CMIP: variants seen among roughly 807,000 people sequenced by gnomAD.
CMIP encodes c-Maf inducing protein, also known as C-Maf-inducing protein.
In CMIP, 13 loss-of-function variants were observed where a neutral mutation model predicts 97.3. The observed-to-expected ratio is 0.13, with a 90% CI of 0.09 to 0.21. The LOEUF (loss-of-function observed/expected upper bound fraction) is 0.21, where lower values mean the gene tolerates loss of function less well. Among genes scored for constraint, CMIP ranks in the 10% least tolerant of loss-of-function variants. The probability of loss-of-function intolerance (pLI) is 1.00; values close to 1 mark genes in which losing one functional copy is unlikely to be tolerated. For missense variants in CMIP, 847 were observed against 1,024.9 expected (o/e 0.83, Z 2.37); for synonymous variants, 538 against 436.3 (o/e 1.23, Z -2.91).
At chr16:81,454,390 A>G (rs541370113) in intron 1 of CMIP, among the ~76,000 whole-genome samples, 56 of 152,340 alleles carry the variant, frequency 3.7e-4, no homozygotes, top group African/African-American at 9.4e-4. Context: ...ATCAATGTAT[A>G]TGCACCTGGT....
chr16:81,445,460 C>G lies in CMIP; in HGVS notation c.219C>G (p.Ser73Arg). 6.4e-7 allele frequency: 1 copy of G among 1,572,276 alleles called. No individual in the cohort carries two copies. The highest frequency in any genetic ancestry group is 8.6e-7 in the Non-Finnish European group (1 of 1,158,990). Residue 73 changes from serine (S) to arginine (R), a missense_variant, in exon 1 of 21, where the codon AGC becomes AGG. Ser to Arg is a moderately radical substitution (Grantham distance 110, BLOSUM62 -1). This residue lies in a region of CMIP where 285 missense variants were observed against 392.2 expected (regional missense o/e 0.73). Coordinates refer to ENST00000537098, the MANE Select transcript of CMIP (RefSeq NM_198390.3). The stretch of plus-strand genomic sequence containing the variant: ...TCCGGCACCCGCGGACCTTTCTCAG[C>G]AAGATCCTCACCTCGAAATTCCTGA... Reference protein sequence around the residue: ...CVIRHPRTFLSKILTSKFLRR... With the variant: ...CVIRHPRTFLRKILTSKFLRR...
intron 1 of CMIP, among the ~76,000 whole-genome samples, chr16:81,468,437 C>A (rs1487184212): frequency 6.6e-6 from 1 of 152,258 alleles, no homozygotes; most frequent in African/African-American, 2.4e-5. Flanking sequence ...AAGGATGGAA[C>A]CTTCCGCACC....
intron 13 of CMIP, 167 bp from the exon 14 acceptor site, chr16:81,696,393 T>C (rs1906721928): frequency 4.4e-6 from 3 of 685,996 alleles, no homozygotes; most frequent in African/African-American, 1.8e-5. Flanking sequence ...GAAAGACCTT[T>C]CATGGCATTT....
In CMIP at chr16:81,696,445, G is replaced by T. The variant is rs867646054; in HGVS notation, c.1531-115G>T. On this transcript the variant is annotated intron_variant, in intron 13 of 20. Transcript: ENST00000537098. The stretch of plus-strand genomic sequence containing the variant: ...TTGCTGGAGGAAACAAAGTTAAGCG[G>T]GTTTCTTGACTGCAGGACTTGCCTG... 18 of 1,010,960 alleles carry T rather than the reference G, an allele frequency of 1.8e-5. No homozygotes were observed. In the Middle Eastern group the frequency reaches 2.9e-3, roughly 162 times the overall value. The allele number at this position is 1,010,960 out of a possible 1,614,324, so 62.6% of individuals were successfully genotyped here.
chr16:81,487,817 C>T (rs55745414), intron 1 of CMIP, among the ~76,000 whole-genome samples: 5,758 of 152,314 alleles, frequency 0.038, 147 homozygotes, highest in Non-Finnish European at 0.057. Flanking sequence ...TGCCAGAGAG[C>T]AGCTTCAGGG....
intron 3 of CMIP, chr16:81,651,468 G>A (rs1021406947): frequency 2.3e-5 from 18 of 785,650 alleles, no homozygotes; most frequent in Non-Finnish European, 2.8e-5. Context: ...GGATGCGGAG[G>A]GCAGCGCTGG....
intron 10 of CMIP, among the ~76,000 whole-genome samples, chr16:81,680,244 G>C (rs1904735124): frequency 6.6e-6 from 1 of 152,246 alleles, no homozygotes; most frequent in Non-Finnish European, 1.5e-5. Context: ...GCGCTGGGCA[G>C]CGTTTGGTCA....
chr16:81,619,110 TGAACCTGCACCTGTAAGAGGCTCA>T (rs2091960041), intron 2 of CMIP: 1 of 152,186 alleles, frequency 6.6e-6, no homozygotes, highest in South Asian at 2.1e-4. Context: ...AGCCGAGACT[TGAACCTGCACCTGTAAGAGGCTCA>T]GCCCTTGTCG....
intron 4 of CMIP, among the ~76,000 whole-genome samples, chr16:81,654,922 G>C (rs2092466678): frequency 6.6e-6 from 1 of 152,206 alleles, no homozygotes; most frequent in African/African-American, 2.4e-5. Context: ...GAAGGACCTT[G>C]TCCTGCCCTC....
rs9932863 is a variant in CMIP at position 81,481,145 on chromosome 16, T to C, written c.300+35604T>C. On this transcript the variant is annotated intron_variant, in intron 1 of 20. Coordinates refer to ENST00000537098, the MANE Select transcript of CMIP (RefSeq NM_198390.3). ...TGATGGCTGTGGGACTCATGATTTA[T>C]TCAACAAATATTGTTGAGACCTGAT... Among the ~76,000 whole-genome samples the C allele has an allele frequency of 0.02, 3,004 of 152,352 alleles. 212 individuals are homozygous for C. In the East Asian group the frequency reaches 0.28, roughly 14 times the overall value.
At chr16:81,612,941 A>G (rs2091855759) in intron 2 of CMIP, among the ~76,000 whole-genome samples, 1 of 152,132 alleles carries the variant, frequency 6.6e-6, no homozygotes, top group Admixed American at 6.5e-5. Context: ...TGGCTCAGCC[A>G]CCAGCAGGAC....
intron 1 of CMIP, among the ~76,000 whole-genome samples, chr16:81,587,671 T>C (rs1316408254): frequency 1.3e-5 from 2 of 152,300 alleles, no homozygotes; most frequent in South Asian, 2.1e-4. Context: ...CCGTCTCTGC[T>C]CCATCTTCCA....
chr16:81,685,434 G>A (rs930235725), intron 10 of CMIP, among the ~76,000 whole-genome samples: 8 of 152,182 alleles, frequency 5.3e-5, no homozygotes, highest in Admixed American at 1.3e-4. Flanking sequence ...ATAGTCCCCC[G>A]TGGGGACCCT....
chr16:81,476,633 C>T (rs1907940647), intron 1 of CMIP: 1 of 402,044 alleles, frequency 2.5e-6, no homozygotes. Context: ...GTGCAACTTG[C>T]CTTTTTAGTT....
chr16:81,475,198 G>A (rs1400794676), intron 1 of CMIP, among the ~76,000 whole-genome samples: 1 of 151,822 alleles, frequency 6.6e-6, no homozygotes, highest in East Asian at 1.9e-4. Flanking sequence ...TTCTCTCTAG[G>A]TGCATAAAAA....
At chr16:81,508,796 G>A (rs1179314380) in intron 1 of CMIP, among the ~76,000 whole-genome samples, 1 of 152,240 alleles carries the variant, frequency 6.6e-6, no homozygotes, top group Non-Finnish European at 1.5e-5. Context: ...ATGCCTGAGG[G>A]ACCCACGTAG....
At position 81,664,358 on chromosome 16, in the gene CMIP, C is replaced by G; in HGVS notation, c.825+9C>G. On this transcript the variant is annotated intron_variant, in intron 7 of 20. Transcript: ENST00000537098. ...TCCTCAAGCATAACATGGTGAGTCA[C>G]CCTGCCCCAACACCCAGACCCCAGC... The G allele has an allele frequency of 6.3e-7, 1 of 1,583,472 alleles. No individual in the cohort carries two copies.
intron 18 of CMIP, among the ~76,000 whole-genome samples, chr16:81,705,058 G>C (rs1597279073): frequency 6.6e-6 from 1 of 152,056 alleles, no homozygotes; most frequent in Non-Finnish European, 1.5e-5. Context: ...GCAGATGAAG[G>C]GGCCTTCACT....
At chr16:81,702,497 C>A in intron 16 of CMIP, 125 bp from the exon 17 acceptor site, 1 of 969,154 alleles carries the variant, frequency 1.0e-6, no homozygotes, top group Non-Finnish European at 1.6e-6. Flanking sequence ...AGACCAAGAC[C>A]ACCGTGTTGC....
Sources: gnomAD v4.1 joint callset for allele counts (sites outside exome capture counted in the v4.1 genomes callset) on GRCh38, gnomAD v4.1.1 for gene constraint, gnomAD v4.1.1 regional missense constraint, MANE v1.5 for transcripts, NCBI Gene and HGNC (gene_info 2026-07-23, HGNC 2026-07-21) for gene names.